The following PAN3 variants were observed in gnomAD, a reference collection of about 807,000 sequenced individuals.
PAN3 encodes the protein poly(A) specific ribonuclease subunit PAN3.
Under a neutral mutation model 96.2 loss-of-function variants are expected in PAN3, and 19 were observed. The observed-to-expected ratio is 0.20, with a 90% CI of 0.14 to 0.29. The LOEUF is 0.29. PAN3 is among the 10% of genes least tolerant of loss of function. PAN3 has a pLI of 1.00. For missense variants in PAN3, 882 were observed against 1,108.1 expected, an observed-to-expected ratio of 0.80 and a Z score of 2.90; for synonymous variants, 433 against 406.6, an observed-to-expected ratio of 1.06 and a Z score of -0.78.
At position 28,177,939 on chromosome 13, in the gene PAN3, G is replaced by A. The variant is rs1282525885; in HGVS notation, c.690+4G>A. ...CAACATCTCTCAGAGACGAAAGGTA[G>A]GTGAAATTGAAACTTGAATTAAACT... On this transcript the variant is annotated splice_donor_region_variant and intron_variant, in intron 4 of 18. Coordinates refer to ENST00000380958, the MANE Select transcript of PAN3 (RefSeq NM_175854.8). The A allele has an allele frequency of 3.1e-6, 5 of 1,600,176 alleles. No individual in the cohort carries two copies. The African/African-American group carries it at 4.0e-5, about 13-fold the overall frequency.
At chr13:28,199,294 C>G (rs980643145) in intron 5 of PAN3, among the ~76,000 whole-genome samples, 1 of 151,960 alleles carries the variant, frequency 6.6e-6, no homozygotes, top group Non-Finnish European at 1.5e-5. Flanking sequence ...CACGACTGCC[C>G]CCATTATCCT....
At chr13:28,142,090 G>A (rs1031694815) in intron 1 of PAN3, among the ~76,000 whole-genome samples, 6 of 152,202 alleles carry the variant, frequency 3.9e-5, no homozygotes, top group African/African-American at 1.4e-4. Context: ...TCTTTTCTGT[G>A]ATAGGCTTCT....
At chr13:28,233,229 C>T (rs1289522026) in intron 6 of PAN3, among the ~76,000 whole-genome samples, 1 of 149,202 alleles carries the variant, frequency 6.7e-6, no homozygotes, top group Non-Finnish European at 1.5e-5. Flanking sequence ...TTGTGATTTG[C>T]TTAGGTGCAT....
intron 8 of PAN3, 25 bp downstream of exon 8, chr13:28,260,576 G>A: frequency 1.9e-6 from 3 of 1,542,270 alleles, no homozygotes; most frequent in Non-Finnish European, 1.8e-6. Context: ...TTCATAGTAG[G>A]AATACTTAAT....
intron 4 of PAN3, among the ~76,000 whole-genome samples, chr13:28,181,061 A>T (rs2138136594): frequency 6.6e-6 from 1 of 152,338 alleles, no homozygotes; most frequent in Non-Finnish European, 1.5e-5. Flanking sequence ...AGAGGCAAAG[A>T]TACCTAGGCA....
chr13:28,237,331 A>G (rs549648196), intron 6 of PAN3, among the ~76,000 whole-genome samples: 1 of 152,248 alleles, frequency 6.6e-6, no homozygotes, highest in African/African-American at 2.4e-5. Context: ...AGAGACTAGT[A>G]GGTAATAAGA....
chr13:28,229,301 A>G (rs1025943504), intron 6 of PAN3, among the ~76,000 whole-genome samples: 1 of 152,216 alleles, frequency 6.6e-6, no homozygotes, highest in Non-Finnish European at 1.5e-5. Context: ...ATCTAGCGTC[A>G]GGGGAAATGA....
intron 1 of PAN3, among the ~76,000 whole-genome samples, chr13:28,139,948 T>C (rs2137894226): frequency 6.8e-6 from 1 of 147,082 alleles, no homozygotes; most frequent in South Asian, 2.1e-4. Flanking sequence ...GTTGTTGTTG[T>C]TGTTGTTGTT....
In PAN3 at chr13:28,221,266, T is replaced by G. The variant is rs558066452; in HGVS notation, c.1000+888T>G. On this transcript the variant is annotated intron_variant, in intron 6 of 18. Transcript: ENST00000380958. ...AAGTGCTGAGCAGATTGGTATCTTA[T>G]GTTTGTCGAATGTTTGAGTTGCACA... Among the ~76,000 whole-genome samples, 6 of 152,196 alleles carry G rather than the reference T, an allele frequency of 3.9e-5. 1 individual carries two copies. The East Asian group carries it at 1.2e-3, about 29-fold the overall frequency.
intron 5 of PAN3, among the ~76,000 whole-genome samples, chr13:28,212,440 A>G (rs1211221410): frequency 6.6e-6 from 1 of 152,248 alleles, no homozygotes; most frequent in African/African-American, 2.4e-5. Flanking sequence ...TAAAAGTCAC[A>G]TTATTTACCA....
At chr13:28,223,248 G>A (rs1007862710) in intron 6 of PAN3, among the ~76,000 whole-genome samples, 44 of 152,276 alleles carry the variant, frequency 2.9e-4, no homozygotes, top group Admixed American at 1.5e-3. Context: ...TTTAAAAAGC[G>A]TTAAAATTTG....
At chr13:28,243,563 C>T (rs932913831) in intron 6 of PAN3, among the ~76,000 whole-genome samples, 3 of 152,164 alleles carry the variant, frequency 2.0e-5, no homozygotes, top group Admixed American at 1.3e-4. Flanking sequence ...AAGTCTACGG[C>T]AGTGTTTATA....
intron 5 of PAN3, among the ~76,000 whole-genome samples, chr13:28,206,301 G>T (rs1879341685): frequency 7.0e-6 from 1 of 142,456 alleles, no homozygotes. Flanking sequence ...TTTTTGATAA[G>T]ATCGTCTAAC....
chr13:28,195,828 C>A (rs1240014200), intron 4 of PAN3, among the ~76,000 whole-genome samples: 1 of 152,112 alleles, frequency 6.6e-6, no homozygotes, highest in Non-Finnish European at 1.5e-5. Context: ...AGCCACTGCA[C>A]CCAGCCTTGT....
intron 4 of PAN3, among the ~76,000 whole-genome samples, chr13:28,181,890 C>A (rs1875839429): frequency 6.6e-6 from 1 of 152,050 alleles, no homozygotes; most frequent in Admixed American, 6.5e-5. Flanking sequence ...TTTTATTTGT[C>A]ACATTAGGAA....
At chr13:28,182,879 A>G (rs185035616) in intron 4 of PAN3, among the ~76,000 whole-genome samples, 19 of 152,258 alleles carry the variant, frequency 1.2e-4, no homozygotes, top group East Asian at 1.2e-3. Context: ...TAAATATTTT[A>G]TGTTTTCTGA....
At position 28,288,099 on chromosome 13, in the gene PAN3, C is replaced by A; in HGVS notation, c.2500C>A (p.His834Asn). The A allele has an allele frequency of 6.2e-7, 1 of 1,606,896 alleles. No homozygotes were observed. The highest frequency in any genetic ancestry group is 1.1e-5 in the South Asian group (1 of 89,396). ...AGGTGCTCCCTGGATTGACCTCAGT[C>A]ATATAATTTCTTGTCTTAACAAGGT... ...EAGAPWIDLS[H>N]IISCLNKLDA... The change falls in exon 18 of 19, where the codon CAT becomes AAT. Residue 834 changes from histidine to asparagine, a missense_variant. Around this residue, in one of 3 missense-constraint regions of PAN3, gnomAD observed 76 missense variants for 171.7 expected, o/e 0.44. Coordinates refer to ENST00000380958, the MANE Select transcript of PAN3 (RefSeq NM_175854.8).
At chr13:28,146,345 A>C (rs1870643266) in intron 1 of PAN3, among the ~76,000 whole-genome samples, 1 of 151,038 alleles carries the variant, frequency 6.6e-6, no homozygotes, top group Non-Finnish European at 1.5e-5. Context: ...TTGGGTTGCC[A>C]AAAGAAAATA....
intron 5 of PAN3, among the ~76,000 whole-genome samples, chr13:28,208,720 C>T (rs1362157003): frequency 6.6e-6 from 1 of 152,122 alleles, no homozygotes; most frequent in East Asian, 1.9e-4. Flanking sequence ...CAGATGCACA[C>T]ATCCGGTTTT....
Sources: gnomAD v4.1 joint callset for allele counts (sites outside exome capture counted in the v4.1 genomes callset) on GRCh38, gnomAD v4.1.1 for gene constraint, gnomAD v4.1.1 regional missense constraint, MANE v1.5 for transcripts, NCBI Gene and HGNC (gene_info 2026-07-23, HGNC 2026-07-21) for gene names.